The following ACAN variants were observed in gnomAD, a reference collection of about 807,000 sequenced individuals.
The protein encoded by ACAN is aggrecan, also known as aggrecan core protein.
Under a neutral mutation model 169.1 loss-of-function variants are expected in ACAN, and 47 were observed. The observed-to-expected ratio is 0.28, with a 90% CI of 0.22 to 0.35. ACAN has a LOEUF of 0.35. Among genes scored for constraint, ACAN ranks in the 10% least tolerant of loss-of-function variants. The pLI is 1.00. For synonymous variants in ACAN, 1,115 were observed against 1,112.2 expected (o/e 1.00, Z -0.05); for missense variants, 2,716 against 2,759.9 (o/e 0.98, Z 0.36).
chr15:88,837,155 GAGGGGCCAAGGA>G (rs1370007767), intron 2 of ACAN, among the ~76,000 whole-genome samples: 27 of 152,214 alleles, frequency 1.8e-4, no homozygotes, highest in Non-Finnish European at 3.4e-4. Flanking sequence ...GGGCCCAAGG[GAGGGGCCAAGGA>G]GTGGCTGTTT....
Position 88,813,178 on chromosome 15 carries a change from T to G in ACAN, c.-8+9369T>G, listed in dbSNP as rs527936651. Among the ~76,000 whole-genome samples the G allele has an allele frequency of 1.2e-4, 19 of 152,274 alleles. 1 individual carries two copies. The South Asian group carries it at 2.7e-3, about 22-fold the overall frequency. ...GCACACAGTAGGTGGTCAAGAAAAG[T>G]TTGTTGGCTGGACAAATAACTTCAG... On this transcript the variant is annotated intron_variant, in intron 1 of 18. Coordinates refer to ENST00000560601, the MANE Select transcript of ACAN (RefSeq NM_001369268.1).
At chr15:88,848,177 C>A in intron 9 of ACAN, 139 bp downstream of exon 9, 1 of 1,319,386 alleles carries the variant, frequency 7.6e-7, no homozygotes, top group Non-Finnish European at 1.0e-6. Context: ...GGAAAGGGTC[C>A]TGCTGAAAAA....
chr15:88,867,397 C>A (rs779559445), intron 13 of ACAN, among the ~76,000 whole-genome samples: 42 of 152,346 alleles, frequency 2.8e-4, no homozygotes, highest in Non-Finnish European at 5.9e-4. Flanking sequence ...CACTTGCTAA[C>A]CACCTCTGTA....
chr15:88,844,270 G>T (rs1478372354), intron 6 of ACAN, among the ~76,000 whole-genome samples: 1 of 150,500 alleles, frequency 6.6e-6, no homozygotes, highest in East Asian at 2.0e-4. Context: ...ATGCAACTGG[G>T]AATACAGGCA....
At chr15:88,833,094 C>G (rs1239175669) in intron 1 of ACAN, among the ~76,000 whole-genome samples, 1 of 152,194 alleles carries the variant, frequency 6.6e-6, no homozygotes, top group African/African-American at 2.4e-5. Flanking sequence ...GCTGCCTGTT[C>G]AATCCCATAA....
rs904907371 is a variant in ACAN, at chr15:88,871,184, G to T, written c.7061-198G>T. ...AGGAAAGGGCCCCTGGCATTTTCCC[G>T]AGTGGAAGCATGTGCAGAGGCTCCC... On this transcript the variant is annotated intron_variant, in intron 14 of 18. Coordinates refer to ENST00000560601, the MANE Select transcript of ACAN (RefSeq NM_001369268.1). This position sits in a 1 kb window ranked among gnomAD's most constrained non-coding sequence, Gnocchi z 7.8. 6.6e-6 allele frequency among the ~76,000 whole-genome samples: 1 copy of T among 152,160 alleles called. No homozygotes were observed. The highest frequency in any genetic ancestry group is 2.1e-4 in the South Asian group (1 of 4,834).
rs1897139574 is a variant in ACAN at position 88,859,179 on chromosome 15, C to A, written c.6594C>A (p.Ile2198=). The change falls in exon 12 of 19, where the codon ATC becomes ATA. Residue 2198 remains isoleucine, a synonymous_variant. Transcript: ENST00000560601. ...CGGCTTCTGGAGACAGGACTGAAAT[C>A]AGCGGAGACCTGTCTGGTCACACCT... ...TPTASGDRTE[I]SGDLSGHTSQ... 6.2e-7 allele frequency: 1 copy of A among 1,613,736 alleles called. No individual in the cohort carries two copies. Among genetic ancestry groups the A allele is most frequent in the African/African-American group, 1.3e-5 (1 of 74,926 alleles).
At position 88,868,158 on chromosome 15, in the gene ACAN, G is replaced by T. The variant is rs538879533; in HGVS notation, c.6947-58G>T. 1.6e-4 allele frequency: 109 copies of T among 685,326 alleles called. No individual in the cohort carries two copies. The African/African-American group carries it at 1.8e-3, about 11-fold the overall frequency. The allele number at this position is 685,326 out of a possible 1,614,324, so 42.5% of individuals were successfully genotyped here. On this transcript the variant is annotated intron_variant, in intron 13 of 18. Transcript: ENST00000560601. The surrounding 1 kb of genome is among the most constrained non-coding windows in gnomAD (Gnocchi z 5.2). ...TGGCCACTCAAAAGGAGGCCACAGT[G>T]CTTGTGAGGCTGGAGTTGCCGGCAG...
At position 88,860,304 on chromosome 15, in the gene ACAN, A is replaced by G. The variant is rs1163048184; in HGVS notation, c.6833-22A>G. 54 of 1,563,836 alleles carry G rather than the reference A, an allele frequency of 3.5e-5. 1 individual carries two copies. In the Admixed American group the frequency reaches 9.2e-4, roughly 27 times the overall value. On this transcript the variant is annotated intron_variant, in intron 12 of 18. Coordinates refer to ENST00000560601, the MANE Select transcript of ACAN (RefSeq NM_001369268.1). Reference sequence around the variant, plus strand: ...CAGGTGACTGTGTTCTTGATGCTCAACCTCTCCCCTGGGGGTTGCAGCCCC... The same window carrying G: ...CAGGTGACTGTGTTCTTGATGCTCAGCCTCTCCCCTGGGGGTTGCAGCCCC...
Position 88,840,086 on chromosome 15 carries a change from C to G in ACAN, c.529C>G (p.Gln177Glu). 6.2e-7 allele frequency: 1 copy of G among 1,604,276 alleles called. No homozygotes were observed. The highest frequency in any genetic ancestry group is 2.2e-5 in the East Asian group (1 of 44,564). Residue 177 changes from glutamine to glutamate, a missense_variant, in exon 4 of 19, where the codon CAG becomes GAG. Gln to Glu is a conservative substitution (Grantham distance 29). Around this residue, in one of 3 missense-constraint regions of ACAN, gnomAD observed 1,283 missense variants for 1,281.5 expected, o/e 1.00. Coordinates refer to ENST00000560601, the MANE Select transcript of ACAN (RefSeq NM_001369268.1). ...TGACAGGGCGCAGCGGGCCTGCCTG[C>G]AGAACAGTGCCATCATTGCCACGCC... The part of the protein sequence containing the change: ...DFDRAQRACL[Q>E]NSAIIATPEQ...
rs1216456454 is a variant in ACAN at position 88,873,612 on chromosome 15, T to G, written c.7448-230T>G. ...TTTCTACCTCCCTTTCATCTTCTCT[T>G]CATCCCTTTAAAGACCACCCCGTTT... On this transcript the variant is annotated intron_variant, in intron 17 of 18. Coordinates refer to ENST00000560601, the MANE Select transcript of ACAN (RefSeq NM_001369268.1). This position sits in a 1 kb window ranked among gnomAD's most constrained non-coding sequence, Gnocchi z 7.5. 1.8e-5 allele frequency: 10 copies of G among 565,306 alleles called. No individual in the cohort carries two copies. The highest frequency in any genetic ancestry group is 3.0e-5 in the Admixed American group (1 of 32,978). 35.0% of individuals were successfully genotyped at this position (565,306 alleles called of 1,614,324 possible).
Position 88,856,755 on chromosome 15 carries a change from C to G in ACAN, c.4170C>G (p.Asp1390Glu), listed in dbSNP as rs201822759. 6,563 of 924,812 alleles carry G rather than the reference C, an allele frequency of 7.1e-3. 136 individuals are homozygous for G. Among genetic ancestry groups the G allele is most frequent in the Middle Eastern group, 0.01 (27 of 2,664 alleles). 57.3% of individuals were successfully genotyped at this position (924,812 alleles called of 1,614,324 possible). The change falls in exon 12 of 19, where the codon GAC becomes GAG. Residue 1390 changes from aspartate (D) to glutamate (E), a missense_variant. Asp to Glu is a conservative substitution (Grantham distance 45, BLOSUM62 2). Coordinates refer to ENST00000560601, the MANE Select transcript of ACAN (RefSeq NM_001369268.1). The stretch of plus-strand genomic sequence containing the variant: ...AGACTGCTGCCCCTGGAGTAGAGGA[C>G]ATCAGCGGGCTTCCTTCTGGAGAAG... ...VLETAAPGVE[D>E]ISGLPSGEVL...
At chr15:88,832,721 T>G (rs974027144) in intron 1 of ACAN, among the ~76,000 whole-genome samples, 5 of 152,230 alleles carry the variant, frequency 3.3e-5, no homozygotes, top group Admixed American at 6.5e-5. Flanking sequence ...GAATGCAGTT[T>G]TATTATTTAT....
chr15:88,872,053 G>C lies in ACAN; in HGVS notation c.7270G>C (p.Gly2424Arg). The change falls in exon 16 of 19, where the codon GGG becomes CGG. Residue 2424 changes from glycine (G) to arginine (R), a missense_variant. Gly to Arg is a moderately radical substitution (Grantham distance 125). Transcript: ENST00000560601. The surrounding 1 kb of genome is among the most constrained non-coding windows in gnomAD (Gnocchi z 5.4). ...CGGCCTGAACGACAGGACCATCGAA[G>C]GGGACTTCCGCTGGTCAGATGGACA... ...WIGLNDRTIE[G>R]DFRWSDGHPM... 6.2e-7 allele frequency: 1 copy of C among 1,613,950 alleles called. No homozygotes were observed.
Position 88,874,798 on chromosome 15 carries a change from G to T in ACAN, c.*317G>T. ...TGCAGGGACAGGGGGAGAAGGGGAG[G>T]GGTTAAGTTAAATAAAGAAGATTAT... On this transcript the variant is annotated 3_prime_UTR_variant, in exon 19 of 19. Transcript: ENST00000560601. This position sits in a 1 kb window ranked among gnomAD's most constrained non-coding sequence, Gnocchi z 7.3. 2.4e-6 allele frequency: 1 copy of T among 419,156 alleles called. No homozygotes were observed. The highest frequency in any genetic ancestry group is 4.5e-6 in the Non-Finnish European group (1 of 222,542). 26.0% of individuals were successfully genotyped at this position (419,156 alleles called of 1,614,324 possible). A position where few individuals can be genotyped will look rare whatever the true frequency, so the allele number is the denominator to read the frequency against.
chr15:88,833,134 C>T (rs1896406487), intron 1 of ACAN, among the ~76,000 whole-genome samples: 1 of 152,162 alleles, frequency 6.6e-6, no homozygotes, highest in African/African-American at 2.4e-5. Context: ...AGACCTTGGC[C>T]AGGTAGACAA....
At chr15:88,803,917 T>TA (rs935337200) in intron 1 of ACAN, 108 bp downstream of exon 1, 5 of 152,286 alleles carry the variant, frequency 3.3e-5, no homozygotes, top group African/African-American at 9.6e-5. Context: ...TGCCTTGGTC[T>TA]CCGCCCTAGA....
intron 4 of ACAN, among the ~76,000 whole-genome samples, chr15:88,840,619 T>G (rs550462408): frequency 5.9e-5 from 9 of 152,216 alleles, no homozygotes; most frequent in Admixed American, 2.0e-4. Flanking sequence ...GCAGTCCAGA[T>G]AGACCCTGCC....
intron 1 of ACAN, among the ~76,000 whole-genome samples, chr15:88,820,828 A>T (rs955843261): frequency 3.3e-5 from 5 of 152,152 alleles, no homozygotes; most frequent in African/African-American, 1.2e-4. Flanking sequence ...TGGTTGCATT[A>T]GTCCATTCTC....
Sources: allele counts gnomAD v4.1 joint callset (sites outside exome capture counted in the v4.1 genomes callset), GRCh38; gene constraint gnomAD v4.1.1; regional missense constraint gnomAD v4.1.1; non-coding constraint Gnocchi (gnomAD v3.1); transcripts MANE v1.5; gene names NCBI Gene and HGNC (gene_info 2026-07-23, HGNC 2026-07-21).